LRRC4C: variants seen among roughly 807,000 people sequenced by gnomAD.
LRRC4C encodes leucine-rich repeat-containing protein 4C.
LRRC4C carries 5 observed loss-of-function variants against 33.6 expected under a neutral mutation model. The observed-to-expected ratio is 0.15, with a 90% confidence interval of 0.08 to 0.31. The LOEUF is 0.31. LRRC4C is among the 10% of genes least tolerant of loss of function. The probability of loss-of-function intolerance (pLI) is 1.00; values close to 1 mark genes in which losing one functional copy is unlikely to be tolerated. For missense variants in LRRC4C, 560 were observed against 796.7 expected (o/e 0.70, Z 3.58); for synonymous variants, 329 against 302.0 (o/e 1.09, Z -0.93).
chr11:40,605,007 T>C (rs1960419871), intron 3 of LRRC4C, among the ~76,000 whole-genome samples: 1 of 152,074 alleles, frequency 6.6e-6, no homozygotes, highest in Non-Finnish European at 1.5e-5. Flanking sequence ...TGTATGATTA[T>C]AGAGAGTCCC....
intron 1 of LRRC4C, among the ~76,000 whole-genome samples, chr11:41,081,553 AC>A (rs1218281908): frequency 6.6e-6 from 1 of 152,168 alleles, no homozygotes; most frequent in African/African-American, 2.4e-5. Context: ...TATGTTAAGA[AC>A]AACCTTGGTT....
chr11:40,716,095 A>C (rs1439102299), intron 2 of LRRC4C, among the ~76,000 whole-genome samples: 1 of 152,112 alleles, frequency 6.6e-6, no homozygotes, highest in Non-Finnish European at 1.5e-5. Context: ...ATAATATATG[A>C]TTCTATTTAT....
At chr11:40,560,505 T>C (rs1957508424) in intron 3 of LRRC4C, among the ~76,000 whole-genome samples, 2 of 152,120 alleles carry the variant, frequency 1.3e-5, no homozygotes, top group Admixed American at 1.3e-4. Flanking sequence ...AGTTCAATTT[T>C]CTTTTTTCCC....
At chr11:40,737,786 T>A (rs927254226) in intron 2 of LRRC4C, among the ~76,000 whole-genome samples, 1 of 152,062 alleles carries the variant, frequency 6.6e-6, no homozygotes, top group Non-Finnish European at 1.5e-5. Flanking sequence ...GTGAAAATGG[T>A]CATACTGCCC....
chr11:40,260,527 A>G (rs1429872305), intron 4 of LRRC4C, among the ~76,000 whole-genome samples: 1 of 151,414 alleles, frequency 6.6e-6, no homozygotes, highest in Non-Finnish European at 1.5e-5. Context: ...CACATTGTGC[A>G]CATGTACCCT....
chr11:40,615,525 A>C (rs1308324476), intron 3 of LRRC4C, among the ~76,000 whole-genome samples: 1 of 151,522 alleles, frequency 6.6e-6, no homozygotes, highest in Non-Finnish European at 1.5e-5. Context: ...TTACTGGATG[A>C]CCCTATTCTC....
Position 40,974,636 on chromosome 11 carries a change from G to A in LRRC4C, c.-495-40913C>T, listed in dbSNP as rs556352327. ...TCAACTTGACTGAATTCAGAAATAC[G>A]TAGGGAATTGGTAAAGCATTACACT... On this transcript the variant is annotated intron_variant, in intron 1 of 6. Coordinates refer to ENST00000528697, the MANE Select transcript of LRRC4C (RefSeq NM_001258419.2). 1.2e-4 allele frequency among the ~76,000 whole-genome samples: 18 copies of A among 152,292 alleles called. No individual in the cohort carries two copies. In the East Asian group the frequency reaches 3.1e-3, roughly 26 times the overall value.
At chr11:40,117,707 A>C (rs1054570493) in intron 6 of LRRC4C, among the ~76,000 whole-genome samples, 1 of 151,038 alleles carries the variant, frequency 6.6e-6, no homozygotes, top group Non-Finnish European at 1.5e-5. Flanking sequence ...GAAAAAAAAA[A>C]GGGGAGGGGG....
At chr11:40,230,714 C>A (rs1317856315) in intron 5 of LRRC4C, among the ~76,000 whole-genome samples, 1 of 152,092 alleles carries the variant, frequency 6.6e-6, no homozygotes, top group Non-Finnish European at 1.5e-5. Flanking sequence ...AAAGTGATAG[C>A]AATTACTGAT....
intron 1 of LRRC4C, among the ~76,000 whole-genome samples, chr11:40,977,830 A>G (rs1364687697): frequency 6.6e-6 from 1 of 152,194 alleles, no homozygotes; most frequent in African/African-American, 2.4e-5. Flanking sequence ...CAATGCTAAC[A>G]TCTTCTACCT....
At chr11:40,156,643 A>G (rs1049016371) in intron 5 of LRRC4C, among the ~76,000 whole-genome samples, 2 of 152,052 alleles carry the variant, frequency 1.3e-5, no homozygotes, top group African/African-American at 4.8e-5. Flanking sequence ...AACAAAAACA[A>G]AAACCCAAGC....
At chr11:40,337,605 T>C (rs997479363) in intron 3 of LRRC4C, among the ~76,000 whole-genome samples, 4 of 152,126 alleles carry the variant, frequency 2.6e-5, no homozygotes, top group African/African-American at 9.7e-5. Flanking sequence ...AGATAACAGT[T>C]TTAAATAAGT....
At chr11:41,127,995 C>T (rs1448007111) in intron 1 of LRRC4C, among the ~76,000 whole-genome samples, 1 of 152,102 alleles carries the variant, frequency 6.6e-6, no homozygotes, top group Non-Finnish European at 1.5e-5. Flanking sequence ...CCCTGAATCT[C>T]TTACCCTTCC....
chr11:40,115,525 T>C lies in LRRC4C; in HGVS notation c.768A>G (p.Gln256=), dbSNP rs1380246346. Residue 256 remains glutamine (Q), a synonymous_variant, in exon 7 of 7, where the codon CAA becomes CAG. Coordinates refer to ENST00000528697, the MANE Select transcript of LRRC4C (RefSeq NM_001258419.2). The surrounding 1 kb of genome is among the most constrained non-coding windows in gnomAD (Gnocchi z 6.7). ...TGTCAAAGGCATTCCGTTCAATCAC[T>C]TGAATCTGGGACTGTATCATCCACA... ...QKLWMIQSQI[Q]VIERNAFDNL... is the part of the protein sequence containing the mutation. 2 of 1,614,210 alleles carry C rather than the reference T, an allele frequency of 1.2e-6. No individual in the cohort carries two copies. Among genetic ancestry groups the C allele is most frequent in the East Asian group, 2.2e-5 (1 of 44,876 alleles).
intron 1 of LRRC4C, among the ~76,000 whole-genome samples, chr11:41,104,474 G>A (rs186137956): frequency 3.3e-5 from 5 of 151,976 alleles, no homozygotes; most frequent in South Asian, 2.1e-4. Flanking sequence ...TAGTGTTTTC[G>A]AGAATGTGGA....
chr11:41,083,672 A>T (rs1477488758), intron 1 of LRRC4C, among the ~76,000 whole-genome samples: 1 of 152,170 alleles, frequency 6.6e-6, no homozygotes, highest in Non-Finnish European at 1.5e-5. Flanking sequence ...AGGCGAAAAA[A>T]ATTTAAATAT....
Position 40,227,453 on chromosome 11 carries a change from T to G in LRRC4C, c.-96+14066A>C, listed in dbSNP as rs188975114. 2.9e-3 allele frequency among the ~76,000 whole-genome samples: 446 copies of G among 152,318 alleles called. 6 individuals are homozygous for G. The highest frequency in any genetic ancestry group is 0.01 in the African/African-American group (431 of 41,570). On this transcript the variant is annotated intron_variant, in intron 5 of 6. Transcript: ENST00000528697. ...AGAATTAGGTCAGTAAGTTTACCAC[T>G]GACACTCATCCCCCCGAAATATTTA...
rs1283432690 is a variant in LRRC4C, at chr11:40,646,747, C to T, written c.-270+1395G>A. Among the ~76,000 whole-genome samples the T allele has an allele frequency of 4.6e-5, 7 of 152,212 alleles. No homozygotes were observed. The South Asian group carries it at 1.5e-3, about 32-fold the overall frequency. On this transcript the variant is annotated intron_variant, in intron 3 of 6. Transcript: ENST00000528697. ...TCAGCCTCCCGAGTAGCTGGGACTA[C>T]AGGCGCCCACCACCGCGCCCAGCTA...
intron 3 of LRRC4C, among the ~76,000 whole-genome samples, chr11:40,602,036 A>AG (rs909702584): frequency 3.1e-4 from 47 of 150,576 alleles, no homozygotes; most frequent in Admixed American, 6.6e-4. Context: ...TAAAAATACA[A>AG]AAAAAAAATT....
Sources: allele counts gnomAD v4.1 joint callset (sites outside exome capture counted in the v4.1 genomes callset), GRCh38; gene constraint gnomAD v4.1.1; non-coding constraint Gnocchi (gnomAD v3.1); transcripts MANE v1.5; gene names NCBI Gene and HGNC (gene_info 2026-07-23, HGNC 2026-07-21).